Variants in BOD1L1 observed in about 807,000 individuals in gnomAD.
The protein encoded by BOD1L1 is biorientation of chromosomes in cell division 1 like 1.
Under a neutral mutation model 240.7 loss-of-function variants are expected in BOD1L1, and 86 were observed. That is an observed-to-expected ratio of 0.36 (90% confidence interval 0.30 to 0.43). The LOEUF is 0.43. Among genes scored for constraint, BOD1L1 ranks in the 20% least tolerant of loss-of-function variants. BOD1L1 has a pLI of 1.00. For synonymous variants in BOD1L1, 1,268 were observed against 1,272.3 expected (o/e 1.00, Z 0.07); for missense variants, 3,554 against 3,643.5 (o/e 0.98, Z 0.63).
chr4:13,570,252 A>G (rs1391511457), intron 25 of BOD1L1, 124 bp from the exon 26 acceptor site: 3 of 628,740 alleles, frequency 4.8e-6, no homozygotes, highest in East Asian at 6.8e-5. Flanking sequence ...ACCCAGTAAC[A>G]TTTATACATG....
At position 13,569,921 on chromosome 4, in the gene BOD1L1, C is replaced by G. The variant is rs1183675025; in HGVS notation, c.*90G>C. The G allele has an allele frequency of 9.5e-6, 9 of 950,986 alleles. No homozygotes were observed. The highest frequency in any genetic ancestry group is 1.2e-5 in the Non-Finnish European group (8 of 686,804). 58.9% of individuals were successfully genotyped at this position (950,986 alleles called of 1,614,324 possible). A position where few individuals can be genotyped will look rare whatever the true frequency, so the allele number is the denominator to read the frequency against. ...ACTTACAGCACATGCATATCTTTTTCCTGGTTAAAGAGAAGCCTATGGCCA... is the reference window on the plus strand; with the variant it reads ...ACTTACAGCACATGCATATCTTTTTGCTGGTTAAAGAGAAGCCTATGGCCA... On this transcript the variant is annotated 3_prime_UTR_variant, in exon 26 of 26. Transcript: ENST00000040738.
chr4:13,577,829 G>T, intron 22 of BOD1L1, 198 bp from the exon 23 acceptor site: 5 of 401,284 alleles, frequency 1.2e-5, no homozygotes, highest in South Asian at 1.1e-4. Flanking sequence ...CGAAACATAA[G>T]TTTTCATTTC....
intron 14 of BOD1L1, 65 bp from the exon 15 acceptor site, chr4:13,588,857 G>C: frequency 8.1e-7 from 1 of 1,231,916 alleles, no homozygotes; most frequent in Non-Finnish European, 1.1e-6. Flanking sequence ...TACTTACTTA[G>C]GTATGTGTTA....
intron 6 of BOD1L1, 63 bp from the exon 7 acceptor site, chr4:13,609,469 ATT>A: frequency 2.7e-6 from 3 of 1,126,798 alleles, no homozygotes; most frequent in Non-Finnish European, 3.6e-6. Flanking sequence ...GAAAAATTGT[ATT>A]TTTTTTAAAG....
Position 13,598,949 on chromosome 4 carries a change from T to A in BOD1L1, c.7951A>T (p.Ile2651Leu), listed in dbSNP as rs764489079. The change falls in exon 10 of 26, where the codon ATA (isoleucine) becomes TTA (leucine). Residue 2651 changes from isoleucine (I) to leucine (L), a missense_variant. Physicochemically the swap from Ile to Leu is conservative, Grantham distance 5. Around this residue, in one of 2 missense-constraint regions of BOD1L1, gnomAD observed 3,393 missense variants for 3,427.1 expected, o/e 0.99. Coordinates refer to ENST00000040738, the MANE Select transcript of BOD1L1 (RefSeq NM_148894.3). Reference sequence around the variant, plus strand: ...GCAATTAGGTACAGATTCTCACCTATGTCACACACATTTTCTTCAGAAGAC... The same window carrying A: ...GCAATTAGGTACAGATTCTCACCTAAGTCACACACATTTTCTTCAGAAGAC... ...TVSSEENVCDIGNEESPLNVL... is the reference protein window; with the variant it reads ...TVSSEENVCDLGNEESPLNVL... The A allele has an allele frequency of 6.2e-7, 1 of 1,602,074 alleles. No individual in the cohort carries two copies. Among genetic ancestry groups the A allele is most frequent in the Admixed American group, 1.7e-5 (1 of 59,456 alleles).
At chr4:13,577,191 A>T (rs953735686) in intron 24 of BOD1L1, among the ~76,000 whole-genome samples, 200 bp from the exon 25 acceptor site, 10 of 152,330 alleles carry the variant, frequency 6.6e-5, no homozygotes, top group African/African-American at 2.2e-4. Flanking sequence ...TTACATATGC[A>T]GTTCACAGCC....
Position 13,600,851 on chromosome 4 carries a change from G to A in BOD1L1, c.6049C>T (p.Pro2017Ser), listed in dbSNP as rs765650154. Residue 2017 changes from proline (P) to serine (S), a missense_variant, in exon 10 of 26, where the codon CCA becomes TCA. This residue lies in a region of BOD1L1 where 3,393 missense variants were observed against 3,427.1 expected (regional missense o/e 0.99). Coordinates refer to ENST00000040738, the MANE Select transcript of BOD1L1 (RefSeq NM_148894.3). ...GATGTGTGAGCAACTTCACATTCTGGGACTTCACCAGATACAAGAACATCG... is the reference window on the plus strand; with the variant it reads ...GATGTGTGAGCAACTTCACATTCTGAGACTTCACCAGATACAAGAACATCG... ...SYDVLVSGEV[P>S]ECEVAHTSPS... is the part of the protein sequence containing the mutation. 1.9e-6 allele frequency: 3 copies of A among 1,613,668 alleles called. No individual in the cohort carries two copies. Among genetic ancestry groups the A allele is most frequent in the Non-Finnish European group, 1.7e-6 (2 of 1,179,780 alleles).
At chr4:13,585,260 C>T (rs1713578451) in intron 17 of BOD1L1, among the ~76,000 whole-genome samples, 1 of 151,840 alleles carries the variant, frequency 6.6e-6, no homozygotes, top group Non-Finnish European at 1.5e-5. Context: ...TCTTCGGTTA[C>T]TGGGGAAAAA....
intron 17 of BOD1L1, 100 bp from the exon 18 acceptor site, chr4:13,582,836 C>G: frequency 6.7e-6 from 5 of 750,906 alleles, no homozygotes; most frequent in Non-Finnish European, 1.1e-5. Flanking sequence ...AAAAAAACTT[C>G]CTAGCTCTTT....
intron 6 of BOD1L1, among the ~76,000 whole-genome samples, chr4:13,609,877 G>A (rs941207521): frequency 6.6e-6 from 1 of 152,214 alleles, no homozygotes; most frequent in African/African-American, 2.4e-5. Flanking sequence ...CTGGTTATAT[G>A]CTTGGGACCC....
chr4:13,612,298 T>C (rs935504118), intron 5 of BOD1L1, among the ~76,000 whole-genome samples: 5 of 152,254 alleles, frequency 3.3e-5, no homozygotes, highest in African/African-American at 4.8e-5. Flanking sequence ...ATTTATAAGA[T>C]GCTCTCTACA....
Position 13,601,231 on chromosome 4 carries a change from C to T in BOD1L1, c.5669G>A (p.Gly1890Glu), listed in dbSNP as rs1314224217. 3.7e-6 allele frequency: 6 copies of T among 1,613,906 alleles called. No homozygotes were observed. The African/African-American group carries it at 6.7e-5, about 18-fold the overall frequency. Residue 1890 changes from glycine to glutamate, a missense_variant, in exon 10 of 26, where the codon GGA becomes GAA. By Grantham distance (98) the Gly-to-Glu change is moderately conservative. This residue lies in a region of BOD1L1 where 3,393 missense variants were observed against 3,427.1 expected (regional missense o/e 0.99). Transcript: ENST00000040738. Reference protein sequence around the residue: ...IGHASTCTGLGEESEGVLICE... With the variant: ...IGHASTCTGLEEESEGVLICE... ...AATCAAGACCCCTTCACTTTCTTCT[C>T]CTAACCCTGTACAAGTTGAAGCATG...
At chr4:13,588,608 A>G in intron 15 of BOD1L1, 114 bp downstream of exon 15, 3 of 777,528 alleles carry the variant, frequency 3.9e-6, no homozygotes, top group Non-Finnish European at 6.0e-6. Context: ...CTCTCAGTAT[A>G]CCCATTTAAT....
Position 13,572,951 on chromosome 4 carries a change from C to A in BOD1L1, c.9039-2823G>T, listed in dbSNP as rs866439055. ...TGTGGGCAAGTCAGAACAATAGGAA[C>A]TAAAATCAGAAAAATGGTTGGTTTT... On this transcript the variant is annotated intron_variant, in intron 25 of 25. Coordinates refer to ENST00000040738, the MANE Select transcript of BOD1L1 (RefSeq NM_148894.3). 5.2e-6 allele frequency: 5 copies of A among 963,042 alleles called. No individual in the cohort carries two copies. The Middle Eastern group carries it at 1.1e-3, about 203-fold the overall frequency. The allele number at this position is 963,042 out of a possible 1,614,324, so 59.7% of individuals were successfully genotyped here. A position where few individuals can be genotyped will look rare whatever the true frequency, so the allele number is the denominator to read the frequency against.
chr4:13,587,074 TCTC>T (rs1713764126), intron 16 of BOD1L1, among the ~76,000 whole-genome samples: 1 of 152,192 alleles, frequency 6.6e-6, no homozygotes, highest in Admixed American at 6.5e-5. Flanking sequence ...GTATTGAACT[TCTC>T]CTTTGTGTCA....
rs777222267 is a variant in BOD1L1 at position 13,600,909 on chromosome 4, G to C, written c.5991C>G (p.Thr1997=). 25 of 1,613,782 alleles carry C rather than the reference G, an allele frequency of 1.5e-5. No homozygotes were observed. The highest frequency in any genetic ancestry group is 1.9e-5 in the Non-Finnish European group (22 of 1,179,884). Residue 1997 remains threonine, a synonymous_variant, in exon 10 of 26, where the codon ACC becomes ACG. Coordinates refer to ENST00000040738, the MANE Select transcript of BOD1L1 (RefSeq NM_148894.3). Reference sequence around the variant, plus strand: ...CCCCGACCAGGCCAGTGGAAATAGTGGTATCTTCAACTTTTTCGAGCTGAC... The same window carrying C: ...CCCCGACCAGGCCAGTGGAAATAGTCGTATCTTCAACTTTTTCGAGCTGAC... ...SDSQLEKVED[T]TISTGLVGGS...
rs1163465573 is a variant in BOD1L1 at position 13,601,332 on chromosome 4, A to T, written c.5568T>A (p.Thr1856=). Residue 1856 remains threonine (T), a synonymous_variant, in exon 10 of 26, where the codon ACT becomes ACA. Coordinates refer to ENST00000040738, the MANE Select transcript of BOD1L1 (RefSeq NM_148894.3). ...CGTCTTCCTCTTTTGCGCCTGTGCT[A>T]GTCACAATGCCTTCATCATCACAAG... The part of the protein sequence containing the change: ...AGPCDDEGIV[T]STGAKEEDEE... 5.0e-6 allele frequency: 8 copies of T among 1,613,860 alleles called. No homozygotes were observed. In the African/African-American group the frequency reaches 9.3e-5, roughly 19 times the overall value.
chr4:13,571,499 T>C (rs1188703542), intron 25 of BOD1L1, among the ~76,000 whole-genome samples: 2 of 152,256 alleles, frequency 1.3e-5, no homozygotes, highest in Non-Finnish European at 2.9e-5. Context: ...AGCCACTCAA[T>C]GAACACCTCT....
At chr4:13,577,356 G>T in intron 24 of BOD1L1, 47 bp downstream of exon 24, 2 of 1,523,650 alleles carry the variant, frequency 1.3e-6, no homozygotes, top group Non-Finnish European at 1.8e-6. Context: ...CTTTAAAAAG[G>T]TGGTTTTGAA....
Sources: gnomAD v4.1 joint callset for allele counts (sites outside exome capture counted in the v4.1 genomes callset) on GRCh38, gnomAD v4.1.1 for gene constraint, gnomAD v4.1.1 regional missense constraint, MANE v1.5 for transcripts, NCBI Gene and HGNC (gene_info 2026-07-23, HGNC 2026-07-21) for gene names.